The following PCDH11X variants were observed in gnomAD, a reference collection of about 807,000 sequenced individuals.
The protein encoded by PCDH11X is protocadherin 11 X-linked.
A neutral mutation model predicts 53.3 loss-of-function variants in PCDH11X; 18 were observed. The ratio of observed to expected loss-of-function variants is 0.34; its 90% CI spans 0.23 to 0.50. PCDH11X has a LOEUF of 0.50. PCDH11X is among the 20% of genes least tolerant of loss of function. PCDH11X has a pLI of 0.98. For synonymous variants in PCDH11X, 279 were observed against 393.3 expected, an observed-to-expected ratio of 0.71 and a Z score of 3.44; for missense variants, 570 against 1,032.4, an observed-to-expected ratio of 0.55 and a Z score of 6.14.
At chrX:91,997,481 G>A (rs2062439593) in intron 6 of PCDH11X, among the ~76,000 whole-genome samples, 2 of 111,226 alleles carry the variant, frequency 1.8e-5, no homozygotes, top group South Asian at 3.7e-4. Flanking sequence ...ATGATTATAT[G>A]ATGTTTGTCT....
intron 8 of PCDH11X, among the ~76,000 whole-genome samples, chrX:92,274,741 G>A (rs374271086): frequency 9.1e-6 from 1 of 110,428 alleles, no homozygotes; most frequent in Non-Finnish European, 1.9e-5. Flanking sequence ...GAGAGGTTCT[G>A]AGAGGCGGGC....
At chrX:91,931,649 T>A (rs2061386019) in intron 6 of PCDH11X, among the ~76,000 whole-genome samples, 1 of 109,904 alleles carries the variant, frequency 9.1e-6, no homozygotes, top group Non-Finnish European at 1.9e-5. Context: ...AAACACAGTA[T>A]TTTAGATGTG....
chrX:92,561,957 C>A (rs1439881973), intron 10 of PCDH11X, among the ~76,000 whole-genome samples: 3 of 107,915 alleles, frequency 2.8e-5, no homozygotes, highest in African/African-American at 1.0e-4. Context: ...TTAGTTTATT[C>A]TTGCATTGCT....
chrX:91,870,975 A>G (rs1210578799), intron 5 of PCDH11X, among the ~76,000 whole-genome samples: 1 of 110,976 alleles, frequency 9.0e-6, no homozygotes, highest in Admixed American at 9.6e-5. Flanking sequence ...ATTTTATTGT[A>G]ATCCGTTTTT....
At chrX:92,538,027 T>TTA (rs774841409) in intron 10 of PCDH11X, among the ~76,000 whole-genome samples, 1,481 of 94,704 alleles carry the variant, frequency 0.016, 47 homozygotes, top group African/African-American at 0.054. Context: ...AATATTTGCT[T>TTA]TATATATATA....
intron 8 of PCDH11X, among the ~76,000 whole-genome samples, chrX:92,328,607 AGAT>A (rs1367693957): frequency 9.0e-6 from 1 of 110,692 alleles, no homozygotes; most frequent in Non-Finnish European, 1.9e-5. Context: ...TTGGATTAAG[AGAT>A]GATATCACTA....
chrX:92,408,828 C>T (rs1420978631), intron 9 of PCDH11X, among the ~76,000 whole-genome samples: 9 of 108,614 alleles, frequency 8.3e-5, no homozygotes, highest in Admixed American at 5.9e-4. Flanking sequence ...GTGATCCGCC[C>T]GCCTCGGCCT....
intron 8 of PCDH11X, among the ~76,000 whole-genome samples, chrX:92,290,060 C>T (rs1012700191): frequency 3.6e-5 from 4 of 111,482 alleles, no homozygotes; most frequent in Middle Eastern, 5.1e-3. Flanking sequence ...GCTGCAATTT[C>T]GATCAAATAA....
intron 9 of PCDH11X, among the ~76,000 whole-genome samples, chrX:92,465,836 A>T (rs1010622581): frequency 1.8e-5 from 2 of 110,743 alleles, no homozygotes; most frequent in African/African-American, 6.5e-5. Flanking sequence ...TTTGTGGTAA[A>T]AGAAGCCTAG....
intron 8 of PCDH11X, among the ~76,000 whole-genome samples, chrX:92,288,390 C>CTTT (rs756662629): frequency 5.3e-5 from 5 of 94,803 alleles, no homozygotes; most frequent in African/African-American, 1.9e-4. Context: ...TTAGTTACTT[C>CTTT]TTTTTTTTTT....
At chrX:92,321,254 G>A (rs2069199033) in intron 8 of PCDH11X, among the ~76,000 whole-genome samples, 1 of 101,465 alleles carries the variant, frequency 9.9e-6, no homozygotes, top group African/African-American at 3.7e-5. Context: ...GTGCAGTGGC[G>A]CAATCTCGGC....
At chrX:92,141,525 C>T (rs1023926418) in intron 6 of PCDH11X, among the ~76,000 whole-genome samples, 2 of 111,975 alleles carry the variant, frequency 1.8e-5, no homozygotes, top group African/African-American at 6.5e-5. Flanking sequence ...GAAGCTCTTT[C>T]GCTTCCCCAT....
At chrX:91,812,898 T>G (rs1347978933) in intron 4 of PCDH11X, among the ~76,000 whole-genome samples, 6 of 111,894 alleles carry the variant, frequency 5.4e-5, no homozygotes, top group Non-Finnish European at 7.5e-5. Flanking sequence ...CAACTTAAAT[T>G]TACAAACTGC....
chrX:92,454,745 G>A (rs1350443811), intron 9 of PCDH11X, among the ~76,000 whole-genome samples: 1 of 109,181 alleles, frequency 9.2e-6, no homozygotes, highest in Non-Finnish European at 1.9e-5. Context: ...TTCATTCTTA[G>A]GTTTGGCTTT....
intron 10 of PCDH11X, among the ~76,000 whole-genome samples, chrX:92,602,126 C>A (rs1214669365): frequency 1.9e-4 from 21 of 110,908 alleles, no homozygotes; most frequent in Non-Finnish European, 3.8e-4. Context: ...AGAGCAGTGG[C>A]ACACATATAT....
intron 9 of PCDH11X, among the ~76,000 whole-genome samples, chrX:92,402,531 G>A (rs956082128): frequency 9.0e-6 from 1 of 111,634 alleles, no homozygotes; most frequent in Non-Finnish European, 1.9e-5. Context: ...AGAAGCAATG[G>A]GGAAAGAACT....
chrX:92,576,011 T>TACACAC lies in PCDH11X; in HGVS notation c.3368-42231_3368-42226dup, dbSNP rs1243169398. On this transcript the variant is annotated intron_variant, in intron 10 of 10. Transcript: ENST00000682573. ...ATATATATATATATATATATATATATACACACACACACACACACACACACA... is the reference window on the plus strand; with the variant it reads ...ATATATATATATATATATATATATATACACACACACACACACACACACACACACACA... 1.4e-3 allele frequency among the ~76,000 whole-genome samples: 39 copies of TACACAC among 28,080 alleles called. 4 individuals are homozygous for TACACAC. The highest frequency in any genetic ancestry group is 4.9e-3 in the African/African-American group (29 of 5,907). 24.4% of individuals were successfully genotyped at this position (28,080 alleles called of 115,157 possible). A position where few individuals can be genotyped will look rare whatever the true frequency, so the allele number is the denominator to read the frequency against.
chrX:91,995,215 TAA>T (rs1181231647), intron 6 of PCDH11X, among the ~76,000 whole-genome samples: 1 of 79,099 alleles, frequency 1.3e-5, no homozygotes, highest in Non-Finnish European at 2.5e-5. Flanking sequence ...GGTGTCACGT[TAA>T]AAAAAAAAAA....
intron 6 of PCDH11X, among the ~76,000 whole-genome samples, chrX:92,099,505 A>G (rs1421946787): frequency 9.0e-6 from 1 of 111,016 alleles, no homozygotes; most frequent in Non-Finnish European, 1.9e-5. Flanking sequence ...TAAATTCTCT[A>G]AAATTGAATA....
Sources: gnomAD v4.1 joint callset for allele counts (sites outside exome capture counted in the v4.1 genomes callset) on GRCh38, gnomAD v4.1.1 for gene constraint, MANE v1.5 for transcripts, NCBI Gene and HGNC (gene_info 2026-07-23, HGNC 2026-07-21) for gene names.